The following DLC1 variants were observed in gnomAD, a reference collection of about 807,000 sequenced individuals.
DLC1 encodes rho GTPase-activating protein 7.
In DLC1, 54 loss-of-function variants were observed where a neutral mutation model predicts 140.3. The observed-to-expected ratio is 0.38, with a 90% confidence interval of 0.31 to 0.48. DLC1 has a LOEUF of 0.48. Among genes scored for constraint, DLC1 ranks in the 20% least tolerant of loss-of-function variants. The pLI is 0.96. For missense variants in DLC1, 2,536 were observed against 1,907.0 expected (o/e 1.33, Z -6.14); for synonymous variants, 986 against 728.1 (o/e 1.35, Z -5.70).
chr8:13,489,989 G>C (rs1801162368), intron 2 of DLC1, among the ~76,000 whole-genome samples: 1 of 152,202 alleles, frequency 6.6e-6, no homozygotes, highest in South Asian at 2.1e-4. Flanking sequence ...TAACAATCTT[G>C]TAAGGCCGAG....
chr8:13,518,157 G>C (rs1405607290), upstream of DLC1, among the ~76,000 whole-genome samples: 2 of 151,864 alleles, frequency 1.3e-5, no homozygotes, highest in Non-Finnish European at 2.9e-5. Context: ...GCCCAGGCTG[G>C]AGTGCAGTGG....
rs1289247820 is a variant in DLC1 at position 13,085,592 on chromosome 8, T to G, written c.*219A>C. ...TACACATAAATTTTTTTTTTTTTTT[T>G]GCACAGTCTTACATATTCCAGTCAA... On this transcript the variant is annotated 3_prime_UTR_variant, in exon 18 of 18. Transcript: ENST00000276297. The G allele has an allele frequency of 1.3e-4, 60 of 452,318 alleles. No homozygotes were observed. The highest frequency in any genetic ancestry group is 1.2e-4 in the Non-Finnish European group (34 of 285,596). The allele number at this position is 452,318 out of a possible 1,614,324, so 28.0% of individuals were successfully genotyped here. A position where few individuals can be genotyped will look rare whatever the true frequency, so the allele number is the denominator to read the frequency against.
intron 5 of DLC1, among the ~76,000 whole-genome samples, chr8:13,179,619 G>A (rs1825931999): frequency 6.6e-6 from 1 of 151,942 alleles, no homozygotes; most frequent in Non-Finnish European, 1.5e-5. Flanking sequence ...TATTTGGGAG[G>A]CTGAGGTAGG....
At chr8:13,186,135 G>A (rs917561834) in intron 5 of DLC1, among the ~76,000 whole-genome samples, 9 of 152,034 alleles carry the variant, frequency 5.9e-5, no homozygotes, top group African/African-American at 2.2e-4. Flanking sequence ...CTTGGGGTTG[G>A]TCTTCTCGAG....
At chr8:13,483,183 C>G (rs1448854681) in intron 2 of DLC1, among the ~76,000 whole-genome samples, 2 of 152,180 alleles carry the variant, frequency 1.3e-5, no homozygotes, top group Non-Finnish European at 2.9e-5. Context: ...GTGTCCATGT[C>G]TGCTCCTCTT....
At chr8:13,310,230 T>G (rs977808579) in intron 4 of DLC1, among the ~76,000 whole-genome samples, 1 of 152,252 alleles carries the variant, frequency 6.6e-6, no homozygotes, top group African/African-American at 2.4e-5. Flanking sequence ...AGCTTTCTTT[T>G]ACATGATTTC....
intron 4 of DLC1, among the ~76,000 whole-genome samples, chr8:13,363,537 G>C (rs763783319): frequency 1.1e-4 from 16 of 152,002 alleles, no homozygotes; most frequent in Non-Finnish European, 1.6e-4. Flanking sequence ...TTATTGTTCT[G>C]TCTATTACAC....
At chr8:13,488,088 G>A (rs530249845) in intron 2 of DLC1, among the ~76,000 whole-genome samples, 1 of 152,220 alleles carries the variant, frequency 6.6e-6, no homozygotes, top group South Asian at 2.1e-4. Flanking sequence ...AATGAAAGAG[G>A]AATTATTCTC....
rs1414423295 is a variant in DLC1 at position 13,579,358 on chromosome 8, T to C, written c.-126+25179A>G. The stretch of plus-strand genomic sequence containing the variant: ...ATATATATATATATATATATATATA[T>C]ATATTTTTATATAATACATATTTAT... On this transcript the variant is annotated intron_variant, in intron 1 of 1. Coordinates refer to the DLC1 transcript ENST00000631382. Among the ~76,000 whole-genome samples, 177 of 41,644 alleles carry C rather than the reference T, an allele frequency of 4.3e-3. 26 individuals carry two copies. The highest frequency in any genetic ancestry group is 0.014 in the Middle Eastern group (1 of 72). The allele number at this position is 41,644 out of a possible 152,430, so 27.3% of individuals were successfully genotyped here.
chr8:13,373,943 A>T (rs952457979), intron 4 of DLC1, among the ~76,000 whole-genome samples: 3 of 152,228 alleles, frequency 2.0e-5, no homozygotes, highest in Non-Finnish European at 2.9e-5. Flanking sequence ...CATTTTATGG[A>T]AAATTTGGCA....
intron 5 of DLC1, among the ~76,000 whole-genome samples, chr8:13,232,186 T>C (rs1038886936): frequency 3.9e-5 from 6 of 152,126 alleles, no homozygotes; most frequent in Non-Finnish European, 5.9e-5. Flanking sequence ...GCTTGAAGCA[T>C]GGGGGAATAG....
intron 1 of DLC1, among the ~76,000 whole-genome samples, chr8:13,554,426 C>G (rs925420848): frequency 8.5e-5 from 13 of 152,236 alleles, no homozygotes; most frequent in Non-Finnish European, 1.9e-4. Context: ...TGGTGTCAGA[C>G]TTATGTACTG....
chr8:13,296,742 A>G (rs1259203983), intron 5 of DLC1, among the ~76,000 whole-genome samples: 2 of 151,860 alleles, frequency 1.3e-5, no homozygotes, highest in Admixed American at 6.6e-5. Flanking sequence ...TTAGCCTGAT[A>G]TAGCATAAAA....
chr8:13,148,119 ATTT>A (rs71541608), intron 5 of DLC1, among the ~76,000 whole-genome samples: 1 of 149,618 alleles, frequency 6.7e-6, no homozygotes, highest in Non-Finnish European at 1.5e-5. Flanking sequence ...AAGATGTTTG[ATTT>A]TTTTTTTTAA....
At chr8:13,446,950 A>T (rs536419299) in intron 2 of DLC1, among the ~76,000 whole-genome samples, 37 of 152,254 alleles carry the variant, frequency 2.4e-4, no homozygotes, top group African/African-American at 8.4e-4. Context: ...CTCAAAAAAA[A>T]AAAGAAGGAA....
At chr8:13,145,632 C>A (rs1327889156) in intron 5 of DLC1, among the ~76,000 whole-genome samples, 1 of 152,124 alleles carries the variant, frequency 6.6e-6, no homozygotes, top group Non-Finnish European at 1.5e-5. Flanking sequence ...TGTCCATCAA[C>A]TGAAGAATAG....
At chr8:13,137,341 G>C (rs901623208) in intron 5 of DLC1, among the ~76,000 whole-genome samples, 1 of 152,204 alleles carries the variant, frequency 6.6e-6, no homozygotes, top group Non-Finnish European at 1.5e-5. Flanking sequence ...CATTCAGTGA[G>C]ATTTTGGTTT....
chr8:13,527,146 T>C (rs984178067), intron 1 of DLC1, among the ~76,000 whole-genome samples: 2 of 152,194 alleles, frequency 1.3e-5, no homozygotes, highest in African/African-American at 4.8e-5. Context: ...GTGACTGTTG[T>C]TGTTGCTTTA....
At chr8:13,538,549 T>C (rs1346175699) in intron 1 of DLC1, among the ~76,000 whole-genome samples, 21 of 152,218 alleles carry the variant, frequency 1.4e-4, no homozygotes, top group African/African-American at 4.8e-4. Flanking sequence ...AGAATTTTTG[T>C]TGTGAGTCTT....
Sources: gnomAD v4.1 joint callset for allele counts (sites outside exome capture counted in the v4.1 genomes callset) on GRCh38, gnomAD v4.1.1 for gene constraint, MANE v1.5 for transcripts, NCBI Gene and HGNC (gene_info 2026-07-23, HGNC 2026-07-21) for gene names.